CAP2: variants seen among roughly 807,000 people sequenced by gnomAD.
CAP2 encodes the protein cyclase associated actin cytoskeleton regulatory protein 2.
In CAP2, 24 loss-of-function variants were observed where a neutral mutation model predicts 57.7. The observed-to-expected ratio is 0.42, with a 90% CI of 0.30 to 0.58. The LOEUF (loss-of-function observed/expected upper bound fraction) is 0.58. Ranked by LOEUF, CAP2 falls within the 20% of genes least tolerant of loss-of-function variation. The probability of loss-of-function intolerance (pLI) is 0.22; values close to 1 mark genes in which losing one functional copy is unlikely to be tolerated. For synonymous variants in CAP2, 194 were observed against 207.2 expected (o/e 0.94, Z 0.55); for missense variants, 501 against 590.3 (o/e 0.85, Z 1.57).
In CAP2 at chr6:17,461,992, C is replaced by CAAAAAAAAAAA. The variant is rs567675285; in HGVS notation, c.223-983_223-973dup. The stretch of plus-strand genomic sequence containing the variant: ...TGGGCAACAGGGCGAGACTCCGTCT[C>CAAAAAAAAAAA]AAAAAAAAAAAAAAAAAAAAAAAAA... On this transcript the variant is annotated intron_variant, in intron 3 of 12. Coordinates refer to ENST00000229922, the MANE Select transcript of CAP2 (RefSeq NM_006366.3). 6.8e-4 allele frequency among the ~76,000 whole-genome samples: 19 copies of CAAAAAAAAAAA among 27,858 alleles called. 1 individual carries two copies. Among genetic ancestry groups the CAAAAAAAAAAA allele is most frequent in the Non-Finnish European group, 2.0e-3 (13 of 6,532 alleles). The allele number at this position is 27,858 out of a possible 152,430, so 18.3% of individuals were successfully genotyped here.
chr6:17,423,701 AG>A (rs539179166), intron 2 of CAP2, among the ~76,000 whole-genome samples: 116 of 152,328 alleles, frequency 7.6e-4, no homozygotes, highest in East Asian at 6.7e-3. Flanking sequence ...TGTAAAAAAA[AG>A]ATTTTTTCTA....
chr6:17,487,055 C>A (rs368397258), intron 4 of CAP2, among the ~76,000 whole-genome samples: 25 of 152,192 alleles, frequency 1.6e-4, no homozygotes, highest in African/African-American at 6.0e-4. Flanking sequence ...CCCCCACTGC[C>A]ATCACTTTTC....
In CAP2 at chr6:17,551,557, G is replaced by A. The variant is rs751783366; in HGVS notation, c.1303G>A (p.Ala435Thr). ...TGCATTAGACTGTGAGATCGTGAGC[G>A]CCAAGTCATCTGAAATGAACATACT... ...EDALDCEIVS[A>T]KSSEMNILIP... The change falls in exon 12 of 13, where the codon GCC (alanine) becomes ACC (threonine). Residue 435 changes from alanine (A) to threonine (T), a missense_variant. Transcript: ENST00000229922. 21 of 1,611,162 alleles carry A rather than the reference G, an allele frequency of 1.3e-5. No homozygotes were observed. Among genetic ancestry groups the A allele is most frequent in the East Asian group, 4.5e-5 (2 of 44,832 alleles).
At chr6:17,469,669 TA>T (rs1357608469) in intron 4 of CAP2, among the ~76,000 whole-genome samples, 10 of 152,128 alleles carry the variant, frequency 6.6e-5, no homozygotes, top group Non-Finnish European at 5.9e-5. Flanking sequence ...ACTTGTACTT[TA>T]AAGGGAAATA....
At position 17,443,915 on chromosome 6, in the gene CAP2, A is replaced by T. The variant is rs147561843; in HGVS notation, c.222+17225A>T. Reference sequence around the variant, plus strand: ...ACACACCAAGTCTTTTTCATGTATCAAATATAAGATGTTTTAGTGATGTAA... The same window carrying T: ...ACACACCAAGTCTTTTTCATGTATCTAATATAAGATGTTTTAGTGATGTAA... On this transcript the variant is annotated intron_variant, in intron 3 of 12. Coordinates refer to ENST00000229922, the MANE Select transcript of CAP2 (RefSeq NM_006366.3). Among the ~76,000 whole-genome samples the T allele has an allele frequency of 6.8e-3, 1,033 of 152,326 alleles. 7 individuals are homozygous for T. The highest frequency in any genetic ancestry group is 0.018 in the South Asian group (89 of 4,828).
chr6:17,438,176 G>A lies in CAP2; in HGVS notation c.222+11486G>A, dbSNP rs1400822811. The stretch of plus-strand genomic sequence containing the variant: ...AGGTCAGGAGTTCAAGACCAGCTTG[G>A]CCAACATGGTGAAACCCCGTCTCTA... On this transcript the variant is annotated intron_variant, in intron 3 of 12. Coordinates refer to ENST00000229922, the MANE Select transcript of CAP2 (RefSeq NM_006366.3). Among the ~76,000 whole-genome samples the A allele has an allele frequency of 3.3e-5, 5 of 150,902 alleles. No homozygotes were observed. The South Asian group carries it at 8.4e-4, about 25-fold the overall frequency.
In CAP2 at chr6:17,428,540, C is replaced by T. The variant is rs151246597; in HGVS notation, c.222+1850C>T. Among the ~76,000 whole-genome samples the T allele has an allele frequency of 4.1e-3, 617 of 149,252 alleles. 4 individuals are homozygous for T. Among genetic ancestry groups the T allele is most frequent in the African/African-American group, 0.014 (579 of 40,442 alleles). On this transcript the variant is annotated intron_variant, in intron 3 of 12. Transcript: ENST00000229922. ...AATAAAGTTGTGGTTTGGGGCTTTT[C>T]GCATATTCTCACTCATAGGTGGGAA...
intron 3 of CAP2, among the ~76,000 whole-genome samples, chr6:17,438,779 CT>C (rs57945613): frequency 1.5e-4 from 22 of 143,086 alleles, no homozygotes; most frequent in Admixed American, 5.5e-4. Context: ...ATAAACATAT[CT>C]TTTTTTTTTA....
At chr6:17,529,651 AATATAT>A (rs1554129488) in intron 7 of CAP2, among the ~76,000 whole-genome samples, 9 of 134,514 alleles carry the variant, frequency 6.7e-5, no homozygotes, top group Non-Finnish European at 1.1e-4. Context: ...AAAAAAAAAA[AATATAT>A]ATATATATAT....
intron 1 of CAP2, among the ~76,000 whole-genome samples, chr6:17,410,770 A>G (rs1156815033): frequency 1.3e-5 from 2 of 152,048 alleles, no homozygotes; most frequent in African/African-American, 4.8e-5. Flanking sequence ...TGTGTTAGCC[A>G]GGATGGTCTT....
In CAP2 at chr6:17,410,802, G is replaced by A. The variant is rs7768307; in HGVS notation, c.-1-10753G>A. On this transcript the variant is annotated intron_variant, in intron 1 of 12. Coordinates refer to ENST00000229922, the MANE Select transcript of CAP2 (RefSeq NM_006366.3). Reference sequence around the variant, plus strand: ...TCTTGATCTCCTGACCTCGTGATCTGCCCGCTTCGGCCTCCCAAAGTGCTG... The same window carrying A: ...TCTTGATCTCCTGACCTCGTGATCTACCCGCTTCGGCCTCCCAAAGTGCTG... Among the ~76,000 whole-genome samples the A allele has an allele frequency of 8.4e-3, 1,282 of 152,154 alleles. 13 individuals are homozygous for A. The highest frequency in any genetic ancestry group is 0.029 in the African/African-American group (1,189 of 41,520).
intron 7 of CAP2, among the ~76,000 whole-genome samples, chr6:17,523,757 G>A (rs1006688638): frequency 6.6e-6 from 1 of 152,186 alleles, no homozygotes; most frequent in Non-Finnish European, 1.5e-5. Context: ...CCTTCCAAGA[G>A]CAGTTTCTGG....
intron 7 of CAP2, among the ~76,000 whole-genome samples, chr6:17,528,103 ATATTCAAC>A (rs1762553625): frequency 6.6e-6 from 1 of 152,210 alleles, no homozygotes; most frequent in African/African-American, 2.4e-5. Context: ...ATTACCTGAG[ATATTCAAC>A]CCTTTATTGT....
chr6:17,557,195 G>C lies in CAP2; in HGVS notation c.*753G>C, dbSNP rs970607568. The C allele has an allele frequency of 1.3e-5, 2 of 151,982 alleles. No homozygotes were observed. Among genetic ancestry groups the C allele is most frequent in the Non-Finnish European group, 2.9e-5 (2 of 68,020 alleles). 9.4% of individuals were successfully genotyped at this position (151,982 alleles called of 1,614,324 possible). On this transcript the variant is annotated 3_prime_UTR_variant, in exon 13 of 13. Coordinates refer to ENST00000229922, the MANE Select transcript of CAP2 (RefSeq NM_006366.3). ...CATTTTTTTTGCTATGTAATACCTC[G>C]CAACTTTGCTCTAAAATCAAGCTCA...
chr6:17,431,549 T>G (rs1305104992), intron 3 of CAP2, among the ~76,000 whole-genome samples: 1 of 152,194 alleles, frequency 6.6e-6, no homozygotes, highest in Non-Finnish European at 1.5e-5. Context: ...ATGCTAGATA[T>G]TCCTAGTCTT....
chr6:17,544,556 T>TC (rs1365982804), intron 11 of CAP2, among the ~76,000 whole-genome samples: 1 of 152,062 alleles, frequency 6.6e-6, no homozygotes, highest in Non-Finnish European at 1.5e-5. Flanking sequence ...TTTTTTTTTT[T>TC]TGAGACAGAG....
intron 3 of CAP2, among the ~76,000 whole-genome samples, chr6:17,452,998 G>A (rs1376944173): frequency 1.3e-5 from 2 of 152,210 alleles, no homozygotes; most frequent in East Asian, 3.8e-4. Context: ...CAAAAGTTGG[G>A]AAGATACAGG....
chr6:17,445,758 A>G (rs887686651), intron 3 of CAP2, among the ~76,000 whole-genome samples: 2 of 152,192 alleles, frequency 1.3e-5, no homozygotes, highest in African/African-American at 2.4e-5. Flanking sequence ...CCCAAAGCTC[A>G]TTTGTAAATT....
At chr6:17,531,168 C>G in intron 7 of CAP2, 1 of 766,018 alleles carries the variant, frequency 1.3e-6, no homozygotes, top group Non-Finnish European at 2.4e-6. Context: ...TTTGCCATAA[C>G]CACACTTATG....
Sources: allele counts gnomAD v4.1 joint callset (sites outside exome capture counted in the v4.1 genomes callset), GRCh38; gene constraint gnomAD v4.1.1; transcripts MANE v1.5; gene names NCBI Gene and HGNC (gene_info 2026-07-23, HGNC 2026-07-21).